CADM2: variants seen among roughly 807,000 people sequenced by gnomAD.
CADM2 encodes the protein cell adhesion molecule 2, also known as immunoglobulin superfamily member 4D.
A neutral mutation model predicts 49.8 loss-of-function variants in CADM2; 12 were observed. That is an observed-to-expected ratio of 0.24 (90% CI 0.15 to 0.39). CADM2 has a LOEUF of 0.39. Among genes scored for constraint, CADM2 ranks in the 10% least tolerant of loss-of-function variants. CADM2 has a pLI of 1.00. For synonymous variants in CADM2, 214 were observed against 175.4 expected, an observed-to-expected ratio of 1.22 and a Z score of -1.74; for missense variants, 378 against 492.3, an observed-to-expected ratio of 0.77 and a Z score of 2.20.
intron 8 of CADM2, among the ~76,000 whole-genome samples, chr3:86,039,357 C>T (rs1735558378): frequency 6.6e-6 from 1 of 152,128 alleles, no homozygotes; most frequent in African/African-American, 2.4e-5. Flanking sequence ...TGACAGATAG[C>T]ACCTGGAAAA....
intron 2 of CADM2, among the ~76,000 whole-genome samples, chr3:85,735,173 T>C (rs1249724203): frequency 6.6e-6 from 1 of 152,008 alleles, no homozygotes; most frequent in Non-Finnish European, 1.5e-5. Flanking sequence ...TTATGAAGAA[T>C]AAAGTGGAAG....
chr3:85,408,083 A>G, intron 1 of CADM2, among the ~76,000 whole-genome samples: 1 of 151,946 alleles, frequency 6.6e-6, no homozygotes, highest in Non-Finnish European at 1.5e-5. Flanking sequence ...TTAAAAAATA[A>G]GATACTAGAA....
chr3:85,062,781 C>A (rs1227608612), intron 1 of CADM2, among the ~76,000 whole-genome samples: 1 of 151,978 alleles, frequency 6.6e-6, no homozygotes, highest in East Asian at 1.9e-4. Context: ...TCAGAAAATT[C>A]TCAACCCTAA....
At chr3:85,870,648 A>G (rs2075892915) in intron 3 of CADM2, among the ~76,000 whole-genome samples, 1 of 152,208 alleles carries the variant, frequency 6.6e-6, no homozygotes, top group African/African-American at 2.4e-5. Context: ...CCATTCTACC[A>G]ATGATGGACA....
At chr3:85,157,375 T>A in intron 1 of CADM2, among the ~76,000 whole-genome samples, 1 of 151,584 alleles carries the variant, frequency 6.6e-6, no homozygotes, top group Non-Finnish European at 1.5e-5. Context: ...AGAGCCCGCA[T>A]CGCCAAGTCA....
intron 1 of CADM2, among the ~76,000 whole-genome samples, chr3:85,469,301 C>T (rs2038660741): frequency 6.6e-6 from 1 of 152,108 alleles, no homozygotes; most frequent in African/African-American, 2.4e-5. Context: ...AATCAAATGT[C>T]ACACATAATG....
chr3:85,927,824 T>A (rs1179807537), intron 6 of CADM2, among the ~76,000 whole-genome samples: 1 of 142,522 alleles, frequency 7.0e-6, no homozygotes, highest in Non-Finnish European at 1.6e-5. Flanking sequence ...ACAAAAGAAA[T>A]ACGTTGTTTT....
intron 1 of CADM2, among the ~76,000 whole-genome samples, chr3:85,492,828 C>T (rs75894908): frequency 6.6e-6 from 1 of 151,884 alleles, no homozygotes; most frequent in African/African-American, 2.4e-5. Flanking sequence ...TGTTGCCAAA[C>T]AATAAAGGTG....
At chr3:85,511,804 C>T (rs1391371133) in intron 1 of CADM2, 8 of 858,690 alleles carry the variant, frequency 9.3e-6, no homozygotes, top group South Asian at 5.3e-5. Context: ...CTGCAAACTT[C>T]GAAATAATAT....
At chr3:85,994,046 G>C (rs1342673821) in intron 8 of CADM2, 2 of 152,184 alleles carry the variant, frequency 1.3e-5, no homozygotes, top group Non-Finnish European at 2.9e-5. Flanking sequence ...TTTGAAGTCA[G>C]GCACTGGCTT....
intron 1 of CADM2, chr3:84,960,262 T>C (rs2030346275): frequency 6.6e-6 from 1 of 151,032 alleles, no homozygotes; most frequent in South Asian, 2.1e-4. Flanking sequence ...TTCTGAGACG[T>C]GTCATTTACC....
chr3:86,011,002 G>A (rs904943070), intron 8 of CADM2, among the ~76,000 whole-genome samples: 1 of 151,880 alleles, frequency 6.6e-6, no homozygotes, highest in African/African-American at 2.4e-5. Context: ...TACAGATAAT[G>A]TGGAAAATAT....
At chr3:85,247,133 C>T (rs1304443425) in intron 1 of CADM2, among the ~76,000 whole-genome samples, 1 of 151,962 alleles carries the variant, frequency 6.6e-6, no homozygotes, top group Admixed American at 6.6e-5. Flanking sequence ...AATGTCATGT[C>T]TAAAAACACA....
chr3:85,340,343 A>C (rs1437228495), intron 1 of CADM2, among the ~76,000 whole-genome samples: 3 of 151,568 alleles, frequency 2.0e-5, no homozygotes, highest in Non-Finnish European at 4.4e-5. Context: ...CTGTTCTCTG[A>C]AATTTCCTCA....
At chr3:85,679,714 G>A (rs1011696103) in intron 1 of CADM2, among the ~76,000 whole-genome samples, 1 of 152,146 alleles carries the variant, frequency 6.6e-6, no homozygotes, top group Non-Finnish European at 1.5e-5. Flanking sequence ...GGCAGTCACC[G>A]TGTCTGCAGG....
intron 8 of CADM2, among the ~76,000 whole-genome samples, chr3:85,981,721 G>A (rs1727509870): frequency 6.6e-6 from 1 of 151,650 alleles, no homozygotes; most frequent in Non-Finnish European, 1.5e-5. Context: ...TATTTCTAAT[G>A]CATATGTACC....
intron 1 of CADM2, among the ~76,000 whole-genome samples, chr3:85,631,246 T>A (rs2107522371): frequency 6.6e-6 from 1 of 152,176 alleles, no homozygotes; most frequent in East Asian, 1.9e-4. Flanking sequence ...TCTCCAAGTC[T>A]TCTTCATCTT....
intron 8 of CADM2, among the ~76,000 whole-genome samples, chr3:86,045,275 G>GT (rs920728518): frequency 6.6e-6 from 1 of 152,076 alleles, no homozygotes; most frequent in African/African-American, 2.4e-5. Context: ...CATGGGAACT[G>GT]TCATTGAGCT....
At chr3:85,377,625 T>C (rs999954095) in intron 1 of CADM2, among the ~76,000 whole-genome samples, 1 of 152,112 alleles carries the variant, frequency 6.6e-6, no homozygotes, top group South Asian at 2.1e-4. Context: ...AGAAATTATC[T>C]CATTTCTGCT....
Sources: allele counts gnomAD v4.1 joint callset (sites outside exome capture counted in the v4.1 genomes callset), GRCh38; gene constraint gnomAD v4.1.1; transcripts MANE v1.5; gene names NCBI Gene and HGNC (gene_info 2026-07-23, HGNC 2026-07-21).